The following ESRRG variants were observed in gnomAD, a reference collection of about 807,000 sequenced individuals.
ESRRG encodes estrogen related receptor gamma, also known as estrogen-related receptor gamma.
In ESRRG, 13 loss-of-function variants were observed where a neutral mutation model predicts 44.0. That is an observed-to-expected ratio of 0.30 (90% CI 0.19 to 0.47). The LOEUF (loss-of-function observed/expected upper bound fraction) is 0.47. Ranked by LOEUF, ESRRG falls within the 20% of genes least tolerant of loss-of-function variation. The pLI is 1.00. For synonymous variants in ESRRG, 215 were observed against 214.6 expected (o/e 1.00, Z -0.02); for missense variants, 395 against 580.6 (o/e 0.68, Z 3.29).
chr1:216,792,507 A>C (rs2148115607), intron 2 of ESRRG, among the ~76,000 whole-genome samples: 1 of 152,320 alleles, frequency 6.6e-6, no homozygotes, highest in South Asian at 2.1e-4. Context: ...AAGGGGAGGT[A>C]AAAGTCAAAT....
chr1:217,045,583 G>A (rs186568587), intron 1 of ESRRG, among the ~76,000 whole-genome samples: 211 of 152,354 alleles, frequency 1.4e-3, no homozygotes, highest in African/African-American at 4.7e-3. Flanking sequence ...TTTGTGAGGA[G>A]GCACGAGGTT....
chr1:216,735,946 C>G (rs2089785759), intron 2 of ESRRG, among the ~76,000 whole-genome samples: 1 of 145,074 alleles, frequency 6.9e-6, no homozygotes, highest in Non-Finnish European at 1.5e-5. Context: ...CCACTGCACT[C>G]CAGCCTAGGC....
At chr1:216,646,517 T>G (rs1383069611) in intron 3 of ESRRG, among the ~76,000 whole-genome samples, 3 of 152,154 alleles carry the variant, frequency 2.0e-5, no homozygotes, top group Non-Finnish European at 4.4e-5. Flanking sequence ...GCTCCAAGTC[T>G]CAGAGGTGGT....
At chr1:217,134,757 G>A (rs974749929) in intron 1 of ESRRG, among the ~76,000 whole-genome samples, 2 of 152,228 alleles carry the variant, frequency 1.3e-5, no homozygotes, top group African/African-American at 4.8e-5. Context: ...GAGGAACCTC[G>A]CCAGCCTGCT....
chr1:216,683,692 T>C (rs2077435484), intron 1 of ESRRG, among the ~76,000 whole-genome samples: 1 of 152,224 alleles, frequency 6.6e-6, no homozygotes, highest in Non-Finnish European at 1.5e-5. Context: ...TCAACTCATT[T>C]CTGGCTGATC....
At position 216,505,022 on chromosome 1, in the gene ESRRG, T is replaced by G. The variant is rs2040960230; in HGVS notation, c.*1917A>C. The G allele has an allele frequency of 6.6e-6, 1 of 152,614 alleles. No individual in the cohort carries two copies. The highest frequency in any genetic ancestry group is 2.4e-5 in the African/African-American group (1 of 41,450). 9.5% of individuals were successfully genotyped at this position (152,614 alleles called of 1,614,324 possible). A position where few individuals can be genotyped will look rare whatever the true frequency, so the allele number is the denominator to read the frequency against. On this transcript the variant is annotated 3_prime_UTR_variant, in exon 7 of 7. Transcript: ENST00000408911. Reference sequence around the variant, plus strand: ...ACACCACAAGAACAAGACAACAGTCTTTGAATGCAACATAAAATTCAGAAA... The same window carrying G: ...ACACCACAAGAACAAGACAACAGTCGTTGAATGCAACATAAAATTCAGAAA...
upstream of ESRRG, among the ~76,000 whole-genome samples, chr1:217,093,394 A>G (rs887324947): frequency 1.3e-5 from 2 of 152,100 alleles, no homozygotes; most frequent in Non-Finnish European, 2.9e-5. Context: ...TGCGAAAAAA[A>G]TGCTGGAGAG....
chr1:216,580,108 T>A (rs1358660114), intron 3 of ESRRG, among the ~76,000 whole-genome samples: 1 of 152,204 alleles, frequency 6.6e-6, no homozygotes, highest in African/African-American at 2.4e-5. Flanking sequence ...TGTCTATACA[T>A]CATCATTAGC....
chr1:216,844,070 A>G (rs967057152), intron 2 of ESRRG, among the ~76,000 whole-genome samples: 3 of 152,078 alleles, frequency 2.0e-5, no homozygotes, highest in South Asian at 2.1e-4. Flanking sequence ...TTTCTTTAAA[A>G]AACTAAGGGA....
intron 2 of ESRRG, among the ~76,000 whole-genome samples, chr1:216,752,029 T>A (rs545931103): frequency 1.3e-5 from 2 of 152,198 alleles, no homozygotes; most frequent in East Asian, 3.9e-4. Context: ...TGTGGCTTGG[T>A]TACTTCAAGG....
chr1:216,698,190 T>C (rs2080580236), intron 1 of ESRRG, among the ~76,000 whole-genome samples: 1 of 152,066 alleles, frequency 6.6e-6, no homozygotes, highest in African/African-American at 2.4e-5. Context: ...ACTTGGCCAA[T>C]GTTACATATT....
intron 2 of ESRRG, among the ~76,000 whole-genome samples, chr1:216,894,536 AT>A (rs528843305): frequency 8.4e-4 from 128 of 152,242 alleles, no homozygotes; most frequent in Admixed American, 7.7e-3. Flanking sequence ...TAATCTCTTT[AT>A]TAAGTTCGTT....
At chr1:217,133,645 C>CTCTCTCTCTCTCTTTCTT (rs1266397788) in intron 1 of ESRRG, among the ~76,000 whole-genome samples, 81 of 91,794 alleles carry the variant, frequency 8.8e-4, no homozygotes, top group Admixed American at 1.4e-3. Flanking sequence ...CTCTCTCTCT[C>CTCTCTCTCTCTCTTTCTT]TCTTTCTTTC....
intron 2 of ESRRG, among the ~76,000 whole-genome samples, chr1:216,902,057 T>A (rs1025590839): frequency 1.3e-5 from 2 of 152,218 alleles, no homozygotes; most frequent in Non-Finnish European, 2.9e-5. Flanking sequence ...CAATACTTCC[T>A]TTTTATATCT....
intron 2 of ESRRG, among the ~76,000 whole-genome samples, chr1:216,660,904 AG>A: frequency 6.6e-6 from 1 of 152,320 alleles, no homozygotes; most frequent in South Asian, 2.1e-4. Context: ...CCAAAGCAAC[AG>A]GTGTCAGGTT....
chr1:216,638,212 C>T (rs1186593266), intron 3 of ESRRG, among the ~76,000 whole-genome samples: 1 of 152,092 alleles, frequency 6.6e-6, no homozygotes, highest in Non-Finnish European at 1.5e-5. Context: ...AGATGCTGTA[C>T]CAAGAATATT....
intron 5 of ESRRG, among the ~76,000 whole-genome samples, chr1:216,530,825 A>G (rs1485749918): frequency 6.6e-6 from 1 of 152,184 alleles, no homozygotes; most frequent in Admixed American, 6.5e-5. Flanking sequence ...ATATAGAAAT[A>G]CAAATTCCAA....
rs990364623 is a variant in ESRRG, at chr1:216,564,887, A to C, written c.701-507T>G. On this transcript the variant is annotated intron_variant, in intron 4 of 6. Coordinates refer to ENST00000408911, the MANE Select transcript of ESRRG (RefSeq NM_001438.4). ...ATTCCTTTAAAGAAGAGCAAAGGTC[A>C]GAGCCCTTCTGCCTTGGTGAATTAC... is the stretch of plus-strand genomic sequence containing the variant. 6.6e-5 allele frequency among the ~76,000 whole-genome samples: 10 copies of C among 152,332 alleles called. No individual in the cohort carries two copies. The East Asian group carries it at 1.7e-3, about 26-fold the overall frequency.
chr1:216,911,717 A>G (rs1385049389), intron 2 of ESRRG, among the ~76,000 whole-genome samples: 1 of 152,054 alleles, frequency 6.6e-6, no homozygotes, highest in African/African-American at 2.4e-5. Context: ...AACTCTCTGT[A>G]CTTTCCTCTC....
Sources: allele counts gnomAD v4.1 joint callset (sites outside exome capture counted in the v4.1 genomes callset), GRCh38; gene constraint gnomAD v4.1.1; transcripts MANE v1.5; gene names NCBI Gene and HGNC (gene_info 2026-07-23, HGNC 2026-07-21).